Variants in RUNX2 observed in about 807,000 individuals in gnomAD.
The protein encoded by RUNX2 is RUNX family transcription factor 2, also known as runt-related transcription factor 2.
RUNX2 carries 10 observed loss-of-function variants against 51.7 expected under a neutral mutation model. The observed-to-expected ratio is 0.19, with a 90% CI of 0.12 to 0.33. The LOEUF (loss-of-function observed/expected upper bound fraction) is 0.33. RUNX2 is among the 10% of genes least tolerant of loss of function. The pLI, the probability that RUNX2 is intolerant of heterozygous loss-of-function variation, is 1.00. For synonymous variants in RUNX2, 276 were observed against 273.6 expected (o/e 1.01, Z -0.09); for missense variants, 562 against 691.3 (o/e 0.81, Z 2.10).
At chr6:45,440,196 A>C (rs779938250) in intron 5 of RUNX2, among the ~76,000 whole-genome samples, 4 of 152,208 alleles carry the variant, frequency 2.6e-5, no homozygotes, top group Non-Finnish European at 4.4e-5. Flanking sequence ...GGAGAGAAGC[A>C]TGGGTCTGCT....
At chr6:45,541,463 G>A (rs980330031) in intron 7 of RUNX2, among the ~76,000 whole-genome samples, 18 of 152,158 alleles carry the variant, frequency 1.2e-4, no homozygotes, top group African/African-American at 3.9e-4. Flanking sequence ...CTCCACATAG[G>A]TCTTGTGTAT....
At chr6:45,346,384 C>T (rs1007626463) in intron 2 of RUNX2, among the ~76,000 whole-genome samples, 7 of 151,986 alleles carry the variant, frequency 4.6e-5, no homozygotes, top group South Asian at 2.1e-4. Flanking sequence ...GCTAGAACCT[C>T]GCATGCCCTC....
chr6:45,401,323 A>C (rs979508242), intron 2 of RUNX2, among the ~76,000 whole-genome samples: 1 of 152,216 alleles, frequency 6.6e-6, no homozygotes, highest in Non-Finnish European at 1.5e-5. Flanking sequence ...AGAATTCTTT[A>C]AGAACAATAA....
intron 7 of RUNX2, among the ~76,000 whole-genome samples, chr6:45,543,459 G>C (rs972209541): frequency 6.6e-6 from 1 of 152,196 alleles, no homozygotes; most frequent in African/African-American, 2.4e-5. Context: ...TATCCAGTAA[G>C]TTGTAGTCAT....
At chr6:45,422,520 CTCATTT>C in intron 2 of RUNX2, 67 bp from the exon 3 acceptor site, 1 of 1,335,438 alleles carries the variant, frequency 7.5e-7, no homozygotes. Context: ...CTCCTTGCCC[CTCATTT>C]CCACCCTCCT....
intron 2 of RUNX2, among the ~76,000 whole-genome samples, chr6:45,388,872 G>C (rs539391928): frequency 6.6e-6 from 1 of 152,168 alleles, no homozygotes; most frequent in African/African-American, 2.4e-5. Flanking sequence ...ATTTATAATA[G>C]AGAAATAATA....
In RUNX2 at chr6:45,539,129, T is replaced by G. The variant is rs143618991; in HGVS notation, c.1022-6088T>G. On this transcript the variant is annotated intron_variant, in intron 7 of 8. Transcript: ENST00000647337. ...CTACTGCCTGCCCCCTTTCCCTTTA[T>G]AAAAGGAAATATATTCTTCCAACAA... Among the ~76,000 whole-genome samples the G allele has an allele frequency of 7.2e-4, 110 of 152,236 alleles. 1 individual carries two copies. Among genetic ancestry groups the G allele is most frequent in the African/African-American group, 2.6e-3 (106 of 41,538 alleles).
At chr6:45,476,427 C>T (rs932455675) in intron 5 of RUNX2, among the ~76,000 whole-genome samples, 2 of 152,094 alleles carry the variant, frequency 1.3e-5, no homozygotes, top group African/African-American at 4.8e-5. Flanking sequence ...TTTGATTTCC[C>T]TCATCTTTGA....
In RUNX2 at chr6:45,549,848, G is replaced by A. The variant is rs928018369; in HGVS notation, c.*2543G>A. The A allele has an allele frequency of 6.5e-6, 1 of 152,992 alleles. No individual in the cohort carries two copies. Among genetic ancestry groups the A allele is most frequent in the Non-Finnish European group, 1.5e-5 (1 of 68,338 alleles). 9.5% of individuals were successfully genotyped at this position (152,992 alleles called of 1,614,324 possible). On this transcript the variant is annotated 3_prime_UTR_variant, in exon 9 of 9. Transcript: ENST00000647337. ...TATAGTGGCTGCAGGCAGCAACCCA[G>A]AAACACTTTAGAAGCTTTTTTTCCT...
At chr6:45,492,253 T>C in intron 6 of RUNX2, 139 bp downstream of exon 6, 1 of 745,846 alleles carries the variant, frequency 1.3e-6, no homozygotes, top group Non-Finnish European at 2.3e-6. Flanking sequence ...TTGAAGACAC[T>C]GATTTCTTCT....
At chr6:45,366,821 G>A (rs527554119) in intron 2 of RUNX2, among the ~76,000 whole-genome samples, 1 of 152,254 alleles carries the variant, frequency 6.6e-6, no homozygotes, top group South Asian at 2.1e-4. Context: ...TCTACTTTCT[G>A]TATGTTCTCA....
Position 45,521,309 on chromosome 6 carries a change from G to T in RUNX2, c.1021+8902G>T, listed in dbSNP as rs566637119. Among the ~76,000 whole-genome samples the T allele has an allele frequency of 3.4e-4, 52 of 152,284 alleles. No individual in the cohort carries two copies. The South Asian group carries it at 5.0e-3, about 15-fold the overall frequency. On this transcript the variant is annotated intron_variant, in intron 7 of 8. Coordinates refer to ENST00000647337, the MANE Select transcript of RUNX2 (RefSeq NM_001024630.4). The stretch of plus-strand genomic sequence containing the variant: ...AAACTTTCATTGCTGATAAGGACAG[G>T]AAATAGCACAGTAAGAGTGTGCATA...
Position 45,360,343 on chromosome 6 carries a change from T to C in RUNX2, c.58+31559T>C, listed in dbSNP as rs541049685. ...AGTGCCTGGTACACAGCATGTTCTA[T>C]ACAAGCATTCATTATTATCACTGAT... On this transcript the variant is annotated intron_variant, in intron 2 of 8. Transcript: ENST00000647337. Among the ~76,000 whole-genome samples the C allele has an allele frequency of 2.6e-5, 4 of 152,330 alleles. No individual in the cohort carries two copies. In the South Asian group the frequency reaches 6.2e-4, roughly 24 times the overall value.
At chr6:45,449,954 T>C (rs1394246163) in intron 5 of RUNX2, among the ~76,000 whole-genome samples, 1 of 152,188 alleles carries the variant, frequency 6.6e-6, no homozygotes, top group Admixed American at 6.5e-5. Flanking sequence ...TCACTCATAA[T>C]TGCATCTCCC....
Position 45,382,741 on chromosome 6 carries a change from A to G in RUNX2, c.59-39852A>G, listed in dbSNP as rs73735402. ...GCTATTGGCAGAAGATTGACATCGT[A>G]AGATTTAGGCTTTAAATTGGTTACC... is the stretch of plus-strand genomic sequence containing the variant. On this transcript the variant is annotated intron_variant, in intron 2 of 8. Coordinates refer to ENST00000647337, the MANE Select transcript of RUNX2 (RefSeq NM_001024630.4). 3.9e-3 allele frequency among the ~76,000 whole-genome samples: 597 copies of G among 152,332 alleles called. 7 individuals are homozygous for G. Among genetic ancestry groups the G allele is most frequent in the African/African-American group, 0.014 (569 of 41,568 alleles).
At chr6:45,424,488 C>T (rs972339131) in intron 3 of RUNX2, among the ~76,000 whole-genome samples, 12 of 152,060 alleles carry the variant, frequency 7.9e-5, no homozygotes, top group Non-Finnish European at 1.8e-4. Context: ...GGGCCTGGGT[C>T]CCCTGGGTTC....
chr6:45,393,853 G>C (rs1459461423), intron 2 of RUNX2, among the ~76,000 whole-genome samples: 3 of 152,078 alleles, frequency 2.0e-5, no homozygotes, highest in Admixed American at 2.0e-4. Context: ...CATGGCAGAA[G>C]GTGAATAGGG....
At chr6:45,488,473 G>T (rs1019471782) in intron 5 of RUNX2, among the ~76,000 whole-genome samples, 4 of 152,170 alleles carry the variant, frequency 2.6e-5, no homozygotes, top group Non-Finnish European at 5.9e-5. Context: ...AACCAGAAAA[G>T]GGGGAGTCAT....
chr6:45,411,133 A>G (rs1797942134), intron 2 of RUNX2, among the ~76,000 whole-genome samples: 1 of 152,234 alleles, frequency 6.6e-6, no homozygotes. Context: ...ACACTCTACA[A>G]TTGAGAAGTT....
Sources: allele counts gnomAD v4.1 joint callset (sites outside exome capture counted in the v4.1 genomes callset), GRCh38; gene constraint gnomAD v4.1.1; transcripts MANE v1.5; gene names NCBI Gene and HGNC (gene_info 2026-07-23, HGNC 2026-07-21).